The following MAN1A1 variants were observed in gnomAD, a reference collection of about 807,000 sequenced individuals.
MAN1A1 encodes mannosyl-oligosaccharide 1,2-alpha-mannosidase IA.
MAN1A1 carries 29 observed loss-of-function variants against 70.8 expected under a neutral mutation model. The observed-to-expected ratio is 0.41, with a 90% CI of 0.31 to 0.56. The LOEUF (loss-of-function observed/expected upper bound fraction) is 0.56. Among genes scored for constraint, MAN1A1 ranks in the 20% least tolerant of loss-of-function variants. The pLI, the probability that MAN1A1 is intolerant of heterozygous loss-of-function variation, is 0.29. For missense variants in MAN1A1, 747 were observed against 841.3 expected (o/e 0.89, Z 1.39); for synonymous variants, 349 against 330.1 (o/e 1.06, Z -0.62).
chr6:119,350,093 C>G (rs775922425), upstream of MAN1A1, among the ~76,000 whole-genome samples: 24 of 152,140 alleles, frequency 1.6e-4, no homozygotes, highest in Non-Finnish European at 2.8e-4. Context: ...GGCAGGGGTC[C>G]CCGGGGTGGT....
At chr6:119,280,691 A>C (rs1192683770) in intron 5 of MAN1A1, among the ~76,000 whole-genome samples, 1 of 152,234 alleles carries the variant, frequency 6.6e-6, no homozygotes, top group African/African-American at 2.4e-5. Flanking sequence ...TGAAAAAAAT[A>C]ACTTTTGTTG....
At chr6:119,185,772 G>A (rs1773272606) in intron 11 of MAN1A1, among the ~76,000 whole-genome samples, 1 of 151,356 alleles carries the variant, frequency 6.6e-6, no homozygotes, top group Non-Finnish European at 1.5e-5. Flanking sequence ...GTAGAGACGG[G>A]GTTTCACCGT....
At chr6:119,315,410 T>C (rs1412762714) in intron 2 of MAN1A1, among the ~76,000 whole-genome samples, 1 of 152,242 alleles carries the variant, frequency 6.6e-6, no homozygotes, top group Admixed American at 6.5e-5. Flanking sequence ...TAGTAATCAC[T>C]ACTTGTAATG....
At chr6:119,260,704 ATC>A (rs1441829080) in intron 5 of MAN1A1, among the ~76,000 whole-genome samples, 1 of 152,268 alleles carries the variant, frequency 6.6e-6, no homozygotes, top group East Asian at 1.9e-4. Context: ...ACAACACTGC[ATC>A]TGTTTTTAAT....
chr6:119,189,861 C>T lies in MAN1A1; in HGVS notation c.1349G>A (p.Arg450His), dbSNP rs375049504. 19 of 1,613,736 alleles carry T rather than the reference C, an allele frequency of 1.2e-5. No homozygotes were observed. Among genetic ancestry groups the T allele is most frequent in the African/African-American group, 4.0e-5 (3 of 74,846 alleles). ...ATAAGTTAGTCCGCTGCTAGACTTG[C>T]GGATCAAATGAGTCTCGATAGCCTG... ...AVQAIETHLIRKSSSGLTYIA... is the reference protein window; with the variant it reads ...AVQAIETHLIHKSSSGLTYIA... Residue 450 changes from arginine to histidine, a missense_variant, in exon 10 of 13, where the codon CGC becomes CAC. Physicochemically the swap from Arg to His is conservative, Grantham distance 29 (BLOSUM62 0). Around this residue, in one of 2 missense-constraint regions of MAN1A1, gnomAD observed 419 missense variants for 548.2 expected, o/e 0.76. Coordinates refer to ENST00000368468, the MANE Select transcript of MAN1A1 (RefSeq NM_005907.4).
chr6:119,290,770 A>AC lies in MAN1A1; in HGVS notation c.817-8_817-7insG. ...AGACAGAAATTTCAGCATTCTATGG[A>AC]AAAAAAAAATTCAAACATGATGATA... On this transcript the variant is annotated splice_region_variant and splice_polypyrimidine_tract_variant and intron_variant, in intron 4 of 12. Transcript: ENST00000368468. 1 of 1,490,692 alleles carries AC rather than the reference A, an allele frequency of 6.7e-7. No homozygotes were observed. The highest frequency in any genetic ancestry group is 9.2e-7 in the Non-Finnish European group (1 of 1,091,228). The allele number at this position is 1,490,692 out of a possible 1,614,324, so 92.3% of individuals were successfully genotyped here. A position where few individuals can be genotyped will look rare whatever the true frequency, so the allele number is the denominator to read the frequency against.
Position 119,178,226 on chromosome 6 carries a change from A to G in MAN1A1, c.*1593T>C. The G allele has an allele frequency of 6.6e-6, 1 of 152,172 alleles. No individual in the cohort carries two copies. Among genetic ancestry groups the G allele is most frequent in the Non-Finnish European group, 1.5e-5 (1 of 67,972 alleles). The allele number at this position is 152,172 out of a possible 1,614,324, so 9.4% of individuals were successfully genotyped here. On this transcript the variant is annotated 3_prime_UTR_variant, in exon 13 of 13. Transcript: ENST00000368468. ...TTTTAAAACACTTTCAAAAGCTAAA[A>G]TAACTAAAACTATTAAGCCTATTGA...
intron 6 of MAN1A1, among the ~76,000 whole-genome samples, chr6:119,218,406 T>C (rs1299698557): frequency 2.0e-5 from 3 of 152,140 alleles, no homozygotes; most frequent in Non-Finnish European, 4.4e-5. Context: ...AAGTTTACTG[T>C]TTTAAGCTAT....
At chr6:119,280,394 A>C (rs1159377225) in intron 5 of MAN1A1, among the ~76,000 whole-genome samples, 1 of 152,178 alleles carries the variant, frequency 6.6e-6, no homozygotes, top group African/African-American at 2.4e-5. Flanking sequence ...CTCCTACTTT[A>C]TAGGGTTGTT....
chr6:119,348,405 C>A, intron 2 of MAN1A1, 58 bp downstream of exon 2: 1 of 1,459,088 alleles, frequency 6.9e-7, no homozygotes, highest in Non-Finnish European at 9.3e-7. Flanking sequence ...CAAAGGCTTG[C>A]CGTTTCTCCC....
At chr6:119,236,896 G>GT (rs1774861308) in intron 6 of MAN1A1, among the ~76,000 whole-genome samples, 1 of 121,200 alleles carries the variant, frequency 8.3e-6, no homozygotes, top group Non-Finnish European at 1.9e-5. Flanking sequence ...ATGGGAGGAA[G>GT]TAAAAAAAAA....
chr6:119,200,492 T>C (rs1344880803), intron 8 of MAN1A1, among the ~76,000 whole-genome samples: 1 of 152,310 alleles, frequency 6.6e-6, no homozygotes, highest in East Asian at 1.9e-4. Flanking sequence ...GATATTAAAA[T>C]ATAAAGAAAA....
At chr6:119,309,318 CTTG>C (rs1343734603) in intron 2 of MAN1A1, among the ~76,000 whole-genome samples, 6 of 152,190 alleles carry the variant, frequency 3.9e-5, no homozygotes, top group African/African-American at 9.7e-5. Context: ...ATAAAATCAA[CTTG>C]TTAACTCAGA....
At chr6:119,238,042 T>C (rs1259634509) in intron 6 of MAN1A1, among the ~76,000 whole-genome samples, 1 of 152,214 alleles carries the variant, frequency 6.6e-6, no homozygotes, top group African/African-American at 2.4e-5. Context: ...TGATTTTTCT[T>C]AAACACAGTC....
intron 2 of MAN1A1, among the ~76,000 whole-genome samples, chr6:119,333,422 A>G (rs1329710289): frequency 6.6e-6 from 1 of 152,192 alleles, no homozygotes; most frequent in Non-Finnish European, 1.5e-5. Context: ...TAAGGTGACT[A>G]GTCTTCTGAC....
chr6:119,301,891 T>A (rs2114440844), intron 4 of MAN1A1, 97 bp downstream of exon 4: 1 of 638,192 alleles, frequency 1.6e-6, no homozygotes, highest in East Asian at 2.7e-5. Context: ...AATATTTTTG[T>A]TAGGGTACAT....
chr6:119,265,875 G>T (rs1775739199), intron 5 of MAN1A1, among the ~76,000 whole-genome samples: 1 of 152,076 alleles, frequency 6.6e-6, no homozygotes, highest in Non-Finnish European at 1.5e-5. Flanking sequence ...CAGAAAATCT[G>T]AATCAACAAA....
In MAN1A1 at chr6:119,257,576, C is replaced by T. The variant is rs142118313; in HGVS notation, c.898-9222G>A. ...ATAAATCTTAAGAAATAATTAGGGT[C>T]CTTTAAAAAAATTTTCCTCAAGAAG... On this transcript the variant is annotated intron_variant, in intron 5 of 12. Transcript: ENST00000368468. Among the ~76,000 whole-genome samples, 843 of 152,100 alleles carry T rather than the reference C, an allele frequency of 5.5e-3. 2 individuals carry two copies. Among genetic ancestry groups the T allele is most frequent in the Non-Finnish European group, 8.7e-3 (590 of 67,964 alleles).
chr6:119,243,435 T>C (rs1413552428), intron 6 of MAN1A1, among the ~76,000 whole-genome samples: 2 of 152,094 alleles, frequency 1.3e-5, no homozygotes, highest in Admixed American at 6.6e-5. Context: ...TAGGGAGATA[T>C]AGGAAAACAC....
Sources: gnomAD v4.1 joint callset for allele counts (sites outside exome capture counted in the v4.1 genomes callset) on GRCh38, gnomAD v4.1.1 for gene constraint, gnomAD v4.1.1 regional missense constraint, MANE v1.5 for transcripts, NCBI Gene and HGNC (gene_info 2026-07-23, HGNC 2026-07-21) for gene names.